MAN2A1: variants seen among roughly 807,000 people sequenced by gnomAD.
The protein encoded by MAN2A1 is alpha-mannosidase 2.
MAN2A1 carries 76 observed loss-of-function variants against 142.6 expected under a neutral mutation model. The observed-to-expected ratio is 0.53, with a 90% CI of 0.44 to 0.65. The LOEUF is 0.65. Ranked by LOEUF, MAN2A1 falls within the 30% of genes least tolerant of loss-of-function variation. The pLI, the probability that MAN2A1 is intolerant of heterozygous loss-of-function variation, is 0.00. For synonymous variants in MAN2A1, 559 were observed against 473.2 expected (o/e 1.18, Z -2.35); for missense variants, 1,311 against 1,365.1 (o/e 0.96, Z 0.62).
intron 20 of MAN2A1, chr5:109,863,486 C>T (rs914319351): frequency 6.6e-6 from 1 of 152,228 alleles, no homozygotes; most frequent in Non-Finnish European, 1.5e-5. Context: ...CTCTGAACCA[C>T]TCTTACTACA....
intron 16 of MAN2A1, among the ~76,000 whole-genome samples, chr5:109,824,913 A>C (rs922154447): frequency 1.3e-5 from 2 of 152,114 alleles, no homozygotes; most frequent in African/African-American, 2.4e-5. Flanking sequence ...AAACTTTCTC[A>C]TGCAACTTCT....
chr5:109,711,602 A>G (rs1399816456), intron 1 of MAN2A1, among the ~76,000 whole-genome samples: 1 of 152,178 alleles, frequency 6.6e-6, no homozygotes, highest in Non-Finnish European at 1.5e-5. Context: ...ATACTACTCG[A>G]CAGCTCTGAG....
At position 109,864,925 on chromosome 5, in the gene MAN2A1, T is replaced by C. The variant is rs41296551; in HGVS notation, c.3172-111T>C. On this transcript the variant is annotated intron_variant, in intron 20 of 21. Coordinates refer to ENST00000261483, the MANE Select transcript of MAN2A1 (RefSeq NM_002372.4). ...GGAGAAATGAATTTGCCTAACTTTC[T>C]TGCTAAATAAATGTGCTTTTGGATG... The C allele has an allele frequency of 1.8e-3, 1,393 of 758,756 alleles. 3 individuals are homozygous for C. Among genetic ancestry groups the C allele is most frequent in the Admixed American group, 3.1e-3 (149 of 48,008 alleles). 47.0% of individuals were successfully genotyped at this position (758,756 alleles called of 1,614,324 possible). A position where few individuals can be genotyped will look rare whatever the true frequency, so the allele number is the denominator to read the frequency against.
chr5:109,788,907 C>G lies in MAN2A1; in HGVS notation c.1761-27C>G, dbSNP rs377672644. On this transcript the variant is annotated intron_variant, in intron 10 of 21. Coordinates refer to ENST00000261483, the MANE Select transcript of MAN2A1 (RefSeq NM_002372.4). Reference sequence around the variant, plus strand: ...GTATGCAGATTTTTAAATTGTTTCTCAGACTAATAAAATTTTTGATTTACA... The same window carrying G: ...GTATGCAGATTTTTAAATTGTTTCTGAGACTAATAAAATTTTTGATTTACA... The G allele has an allele frequency of 4.9e-5, 51 of 1,041,418 alleles. 1 individual carries two copies. Among genetic ancestry groups the G allele is most frequent in the Non-Finnish European group, 7.2e-5 (48 of 667,110 alleles). The allele number at this position is 1,041,418 out of a possible 1,614,324, so 64.5% of individuals were successfully genotyped here.
intron 4 of MAN2A1, among the ~76,000 whole-genome samples, chr5:109,749,364 A>C (rs1311170403): frequency 6.6e-6 from 1 of 152,136 alleles, no homozygotes; most frequent in African/African-American, 2.4e-5. Context: ...GGAATGACAG[A>C]TATGCTCAGC....
chr5:109,712,539 T>A (rs750792587), intron 1 of MAN2A1, among the ~76,000 whole-genome samples: 1 of 152,224 alleles, frequency 6.6e-6, no homozygotes, highest in Non-Finnish European at 1.5e-5. Context: ...TCTTCCTTCT[T>A]TCCTTTCTGC....
At chr5:109,737,646 A>C (rs1482419990) in intron 4 of MAN2A1, among the ~76,000 whole-genome samples, 1 of 152,176 alleles carries the variant, frequency 6.6e-6, no homozygotes, top group East Asian at 1.9e-4. Context: ...AAAATTGTGC[A>C]ATATTAAACC....
At chr5:109,747,569 A>G (rs1367576183) in intron 4 of MAN2A1, among the ~76,000 whole-genome samples, 1 of 152,142 alleles carries the variant, frequency 6.6e-6, no homozygotes, top group Non-Finnish European at 1.5e-5. Flanking sequence ...CTAATTTTAT[A>G]CAAAGGTAAC....
chr5:109,774,253 T>A (rs1753223464), intron 7 of MAN2A1, among the ~76,000 whole-genome samples: 1 of 152,184 alleles, frequency 6.6e-6, no homozygotes, highest in African/African-American at 2.4e-5. Flanking sequence ...AATATGACTC[T>A]ATAAAATGTT....
Position 109,732,143 on chromosome 5 carries a change from G to T in MAN2A1, c.707+2630G>T, listed in dbSNP as rs575204913. 4.0e-5 allele frequency among the ~76,000 whole-genome samples: 6 copies of T among 150,646 alleles called. No individual in the cohort carries two copies. The East Asian group carries it at 1.2e-3, about 29-fold the overall frequency. Reference sequence around the variant, plus strand: ...GTGAGCATTTTTTCATGTGTTTTTTGGCTGCATAAATGTCTTCTTTTGAGA... The same window carrying T: ...GTGAGCATTTTTTCATGTGTTTTTTTGCTGCATAAATGTCTTCTTTTGAGA... On this transcript the variant is annotated intron_variant, in intron 4 of 21. Coordinates refer to ENST00000261483, the MANE Select transcript of MAN2A1 (RefSeq NM_002372.4).
In MAN2A1 at chr5:109,781,409, C is replaced by G; in HGVS notation, c.1388C>G (p.Thr463Ser). 1 of 1,602,028 alleles carries G rather than the reference C, an allele frequency of 6.2e-7. No individual in the cohort carries two copies. Among genetic ancestry groups the G allele is most frequent in the South Asian group, 1.1e-5 (1 of 87,940 alleles). ...SKFKVKIQFGTLSDFFDALDK... is the reference protein window; with the variant it reads ...SKFKVKIQFGSLSDFFDALDK... The stretch of plus-strand genomic sequence containing the variant: ...TTTTAAAACTAGATACAGTTTGGAA[C>G]TTTATCAGATTTTTTTGATGCGCTG... Residue 463 changes from threonine to serine, a missense_variant, in exon 9 of 22, where the codon ACT becomes AGT. Physicochemically the swap from Thr to Ser is moderately conservative, Grantham distance 58. Coordinates refer to ENST00000261483, the MANE Select transcript of MAN2A1 (RefSeq NM_002372.4).
At chr5:109,750,531 T>C (rs1752517920) in intron 4 of MAN2A1, among the ~76,000 whole-genome samples, 1 of 152,096 alleles carries the variant, frequency 6.6e-6, no homozygotes, top group African/African-American at 2.4e-5. Flanking sequence ...TTTTCTTCCA[T>C]GGGATGTTTT....
At position 109,788,916 on chromosome 5, in the gene MAN2A1, A is replaced by G. The variant is rs749893795; in HGVS notation, c.1761-18A>G. 1 of 1,199,188 alleles carries G rather than the reference A, an allele frequency of 8.3e-7. No individual in the cohort carries two copies. The highest frequency in any genetic ancestry group is 1.2e-6 in the Non-Finnish European group (1 of 810,280). 74.3% of individuals were successfully genotyped at this position (1,199,188 alleles called of 1,614,324 possible). The stretch of plus-strand genomic sequence containing the variant: ...TTTTTAAATTGTTTCTCAGACTAAT[A>G]AAATTTTTGATTTACAGACTTTTTC... On this transcript the variant is annotated intron_variant, in intron 10 of 21. Transcript: ENST00000261483.
chr5:109,767,589 T>C lies in MAN2A1; in HGVS notation c.890T>C (p.Met297Thr), dbSNP rs992261058. ...AIDPFGHSPT[M>T]AYLLNRAGLS... ...GATCCCTTTGGACACTCACCAACAA[T>C]GGCTTATCTTCTAAACCGTGCTGGA... The change falls in exon 6 of 22, where the codon ATG (methionine) becomes ACG (threonine). Residue 297 changes from methionine (M) to threonine (T), a missense_variant. Met to Thr is a moderately conservative substitution (Grantham distance 81). This residue lies in a region of MAN2A1 where 409 missense variants were observed against 412.7 expected (regional missense o/e 0.99). Coordinates refer to ENST00000261483, the MANE Select transcript of MAN2A1 (RefSeq NM_002372.4). The C allele has an allele frequency of 7.4e-6, 12 of 1,613,692 alleles. No individual in the cohort carries two copies. Among genetic ancestry groups the C allele is most frequent in the African/African-American group, 1.3e-5 (1 of 74,928 alleles).
chr5:109,839,488 TA>T (rs1467250528), intron 16 of MAN2A1, among the ~76,000 whole-genome samples: 4 of 151,176 alleles, frequency 2.6e-5, no homozygotes, highest in Non-Finnish European at 5.9e-5. Context: ...TGGCAGGGGT[TA>T]GTGGTTCAGA....
chr5:109,749,784 A>G (rs568065559), intron 4 of MAN2A1, among the ~76,000 whole-genome samples: 1 of 152,118 alleles, frequency 6.6e-6, no homozygotes, highest in South Asian at 2.1e-4. Context: ...CTCCACTAAT[A>G]TTCCCCTGCT....
At chr5:109,854,507 G>A (rs1755558121) in intron 19 of MAN2A1, 1 of 152,034 alleles carries the variant, frequency 6.6e-6, no homozygotes. Context: ...TGAAACAATT[G>A]GCAATGATTT....
intron 1 of MAN2A1, among the ~76,000 whole-genome samples, chr5:109,712,095 CTT>C (rs34625389): frequency 1.2e-4 from 17 of 143,766 alleles, no homozygotes; most frequent in Non-Finnish European, 1.2e-4. Context: ...ATTTTGGCTA[CTT>C]TTTTTTTTTT....
intron 5 of MAN2A1, among the ~76,000 whole-genome samples, chr5:109,755,800 TATTC>T (rs896992228): frequency 2.0e-5 from 3 of 152,036 alleles, no homozygotes; most frequent in Non-Finnish European, 4.4e-5. Flanking sequence ...GAAAGAAAGA[TATTC>T]ATTATGTCAC....
Sources: allele counts gnomAD v4.1 joint callset (sites outside exome capture counted in the v4.1 genomes callset), GRCh38; gene constraint gnomAD v4.1.1; regional missense constraint gnomAD v4.1.1; transcripts MANE v1.5; gene names NCBI Gene and HGNC (gene_info 2026-07-23, HGNC 2026-07-21).